The following RGS20 variants were observed in gnomAD, a reference collection of about 807,000 sequenced individuals.
RGS20 encodes gz-selective GTPase-activating protein.
Under a neutral mutation model 33.6 loss-of-function variants are expected in RGS20, and 30 were observed. That is an observed-to-expected ratio of 0.89 (90% CI 0.67 to 1.21). RGS20 has a LOEUF of 1.21. RGS20 is among the 50% of genes most tolerant of loss of function. The pLI is 0.00. For missense variants in RGS20, 472 were observed against 502.4 expected (o/e 0.94, Z 0.58); for synonymous variants, 208 against 197.9 (o/e 1.05, Z -0.43).
intron 1 of RGS20, among the ~76,000 whole-genome samples, chr8:53,864,196 C>T (rs1811870567): frequency 6.6e-6 from 1 of 151,758 alleles, no homozygotes; most frequent in South Asian, 2.1e-4. Context: ...GAGGCCAAGG[C>T]AGGTGGATCA....
At chr8:53,909,133 G>A (rs1260361492) in intron 2 of RGS20, among the ~76,000 whole-genome samples, 2 of 144,334 alleles carry the variant, frequency 1.4e-5, no homozygotes, top group Non-Finnish European at 3.0e-5. Flanking sequence ...GGGGTGACCT[G>A]CCTGTGGTCA....
chr8:53,859,271 C>A (rs1477908963), intron 1 of RGS20, among the ~76,000 whole-genome samples: 1 of 152,194 alleles, frequency 6.6e-6, no homozygotes. Context: ...AGCAAACATT[C>A]AGTAACTGCA....
intron 1 of RGS20, among the ~76,000 whole-genome samples, chr8:53,858,904 A>C (rs934018852): frequency 2.6e-5 from 4 of 151,512 alleles, no homozygotes; most frequent in Non-Finnish European, 4.4e-5. Context: ...AAAAAAAAAA[A>C]AAAAAAAACC....
chr8:53,945,762 G>A (rs1814455550), intron 3 of RGS20, among the ~76,000 whole-genome samples: 1 of 152,104 alleles, frequency 6.6e-6, no homozygotes, highest in Admixed American at 6.6e-5. Context: ...AAGTAGCCGG[G>A]CGTGTTGGCA....
intron 1 of RGS20, among the ~76,000 whole-genome samples, chr8:53,866,940 G>A (rs1046619943): frequency 6.6e-5 from 10 of 152,212 alleles, no homozygotes; most frequent in African/African-American, 1.9e-4. Flanking sequence ...CTAAGAGAGG[G>A]CATTGGAGAC....
chr8:53,924,132 C>T (rs1055183067), intron 2 of RGS20, among the ~76,000 whole-genome samples: 8 of 152,060 alleles, frequency 5.3e-5, no homozygotes, highest in Admixed American at 1.3e-4. Context: ...TTCCTCCAAC[C>T]TCTGCCTCCT....
chr8:53,951,842 C>T (rs1247699789), intron 4 of RGS20, among the ~76,000 whole-genome samples: 1 of 151,912 alleles, frequency 6.6e-6, no homozygotes, highest in Non-Finnish European at 1.5e-5. Context: ...CATGGTGAAA[C>T]TCCGTCTCTA....
intron 2 of RGS20, among the ~76,000 whole-genome samples, chr8:53,924,496 T>A (rs560727676): frequency 2.6e-5 from 4 of 152,112 alleles, no homozygotes; most frequent in Admixed American, 2.0e-4. Flanking sequence ...ACTAGTTTTT[T>A]AATTTTTTTG....
chr8:53,955,865 G>A (rs747841296), intron 5 of RGS20, among the ~76,000 whole-genome samples: 5 of 152,032 alleles, frequency 3.3e-5, no homozygotes, highest in Non-Finnish European at 7.4e-5. Context: ...AAATTTAGGA[G>A]GTCAGATTGT....
chr8:53,957,360 G>A (rs540915851), intron 5 of RGS20, among the ~76,000 whole-genome samples: 49 of 152,270 alleles, frequency 3.2e-4, no homozygotes, highest in Admixed American at 3.0e-3. Context: ...ACTCCACAGC[G>A]CTGGGATTAC....
chr8:53,904,424 A>G (rs7844270), intron 2 of RGS20, among the ~76,000 whole-genome samples: 10,290 of 152,208 alleles, frequency 0.068, 1,052 homozygotes, highest in African/African-American at 0.22. Context: ...GAGCCACCAC[A>G]CCTGGCCACA....
chr8:53,874,217 G>A (rs2129272266), intron 1 of RGS20, among the ~76,000 whole-genome samples: 1 of 152,246 alleles, frequency 6.6e-6, no homozygotes, highest in Admixed American at 6.5e-5. Context: ...CACCTGTAGA[G>A]TGACATTTTC....
At chr8:53,920,070 T>C (rs1454764321) in intron 2 of RGS20, among the ~76,000 whole-genome samples, 1 of 152,110 alleles carries the variant, frequency 6.6e-6, no homozygotes, top group Non-Finnish European at 1.5e-5. Context: ...AGAAGGTGTT[T>C]CACCCTGTTG....
intron 4 of RGS20, among the ~76,000 whole-genome samples, chr8:53,951,028 A>T (rs2129293513): frequency 6.6e-6 from 1 of 152,354 alleles, no homozygotes; most frequent in Admixed American, 6.5e-5. Context: ...TTAGCTTACT[A>T]GGAAAGTGTA....
Position 53,939,627 on chromosome 8 carries a change from C to G in RGS20, c.562C>G (p.Gln188Glu). 1 of 1,604,782 alleles carries G rather than the reference C, an allele frequency of 6.2e-7. No homozygotes were observed. The highest frequency in any genetic ancestry group is 8.5e-7 in the Non-Finnish European group (1 of 1,176,586). ...GCGGAAGCGGCAGATGCCCGCCGCCCAGGACACACCAGGCGCCGCCCCAGG... is the reference window on the plus strand; with the variant it reads ...GCGGAAGCGGCAGATGCCCGCCGCCGAGGACACACCAGGCGCCGCCCCAGG... Residue 188 changes from glutamine to glutamate, a missense_variant, in exon 3 of 6, where the codon CAG (glutamine) becomes GAG (glutamate). Physicochemically the swap from Gln to Glu is conservative, Grantham distance 29. Around this residue, in one of 3 missense-constraint regions of RGS20, gnomAD observed 319 missense variants for 283.4 expected, o/e 1.13. Transcript: ENST00000297313.
chr8:53,890,226 T>C (rs1812676268), intron 2 of RGS20, among the ~76,000 whole-genome samples: 1 of 152,232 alleles, frequency 6.6e-6, no homozygotes, highest in Non-Finnish European at 1.5e-5. Context: ...TCTTCCTCTG[T>C]GCCTGAGTCT....
intron 2 of RGS20, chr8:53,913,898 T>C (rs976596113): frequency 1.3e-5 from 2 of 152,260 alleles, no homozygotes; most frequent in Admixed American, 1.3e-4. Context: ...AATTGAGGTT[T>C]CTAATAAAAG....
Position 53,878,234 on chromosome 8 carries a change from G to A in RGS20, c.166-1024G>A, listed in dbSNP as rs184945194. On this transcript the variant is annotated intron_variant, in intron 1 of 5. Transcript: ENST00000297313. Reference sequence around the variant, plus strand: ...ATTCCGGTTTGTAACTACACTAAACGTTAGTGTACCAAGAAACTAAGAGCG... The same window carrying A: ...ATTCCGGTTTGTAACTACACTAAACATTAGTGTACCAAGAAACTAAGAGCG... Among the ~76,000 whole-genome samples the A allele has an allele frequency of 2.6e-5, 4 of 152,260 alleles. No homozygotes were observed. The East Asian group carries it at 5.8e-4, about 22-fold the overall frequency.
chr8:53,895,164 A>T (rs1459754590), intron 2 of RGS20, among the ~76,000 whole-genome samples: 2 of 152,102 alleles, frequency 1.3e-5, no homozygotes, highest in African/African-American at 4.8e-5. Context: ...CTAATGAGTG[A>T]TGCATGAGGA....
Sources: gnomAD v4.1 joint callset for allele counts (sites outside exome capture counted in the v4.1 genomes callset) on GRCh38, gnomAD v4.1.1 for gene constraint, gnomAD v4.1.1 regional missense constraint, MANE v1.5 for transcripts, NCBI Gene and HGNC (gene_info 2026-07-23, HGNC 2026-07-21) for gene names.